The following DDX19A variants were observed in gnomAD, a reference collection of about 807,000 sequenced individuals.
DDX19A encodes the protein ATP-dependent RNA helicase DDX19A.
In DDX19A, 12 loss-of-function variants were observed where a neutral mutation model predicts 60.6. That is an observed-to-expected ratio of 0.20 (90% CI 0.13 to 0.32). The LOEUF (loss-of-function observed/expected upper bound fraction) is 0.32. DDX19A is among the 10% of genes least tolerant of loss of function. The pLI, the probability that DDX19A is intolerant of heterozygous loss-of-function variation, is 1.00. For synonymous variants in DDX19A, 206 were observed against 218.2 expected, an observed-to-expected ratio of 0.94 and a Z score of 0.49; for missense variants, 337 against 600.6, an observed-to-expected ratio of 0.56 and a Z score of 4.59.
intron 2 of DDX19A, among the ~76,000 whole-genome samples, chr16:70,354,778 A>G (rs944248309): frequency 2.0e-5 from 3 of 152,118 alleles, no homozygotes; most frequent in South Asian, 2.1e-4. Context: ...CTCCATCTCT[A>G]CGAAAATATT....
intron 1 of DDX19A, among the ~76,000 whole-genome samples, chr16:70,349,512 TTGCAAATAGGCTTTCC>T (rs1410917274): frequency 1.3e-5 from 2 of 152,204 alleles, no homozygotes; most frequent in Admixed American, 6.5e-5. Context: ...AGGGCCAGCC[TTGCAAATAGGCTTTCC>T]TAAGGAGAGC....
At chr16:70,361,897 A>T (rs1343294030) in intron 5 of DDX19A, among the ~76,000 whole-genome samples, 4 of 151,976 alleles carry the variant, frequency 2.6e-5, no homozygotes, top group Non-Finnish European at 5.9e-5. Flanking sequence ...TTAGCTGGGC[A>T]CGGTGGCCCA....
In DDX19A at chr16:70,350,581, G is replaced by A; in HGVS notation, c.82G>A (p.Glu28Lys). The A allele has an allele frequency of 6.2e-7, 1 of 1,612,608 alleles. No individual in the cohort carries two copies. The highest frequency in any genetic ancestry group is 1.1e-5 in the South Asian group (1 of 90,772). Residue 28 changes from glutamate to lysine, a missense_variant, in exon 2 of 12, where the codon GAG becomes AAG. Coordinates refer to ENST00000302243, the MANE Select transcript of DDX19A (RefSeq NM_018332.5). ...GATGACCAATTTGCAGATCAAGGAAGAGAAAGTCAAAGCAGATACCAATGG... is the reference window on the plus strand; with the variant it reads ...GATGACCAATTTGCAGATCAAGGAAAAGAAAGTCAAAGCAGATACCAATGG... The part of the protein sequence containing the change: ...KSMTNLQIKE[E>K]KVKADTNGII...
chr16:70,355,523 G>A lies in DDX19A; in HGVS notation c.145G>A (p.Glu49Lys), dbSNP rs776175093. The A allele has an allele frequency of 6.2e-7, 1 of 1,613,956 alleles. No homozygotes were observed. The highest frequency in any genetic ancestry group is 8.5e-7 in the Non-Finnish European group (1 of 1,179,834). Reference protein sequence around the residue: ...KTSTTAEKTDEEEKEDRAAQS... With the variant: ...KTSTTAEKTDKEEKEDRAAQS... ...CAGTACCACTGCCGAGAAAACAGAT[G>A]AAGAGGAGAAAGGTAACTACTTTTG... The change falls in exon 3 of 12, where the codon GAA (glutamate) becomes AAA (lysine). Residue 49 changes from glutamate (E) to lysine (K), a missense_variant. Physicochemically the swap from Glu to Lys is moderately conservative, Grantham distance 56 (BLOSUM62 1). Around this residue, in one of 6 missense-constraint regions of DDX19A, gnomAD observed 127 missense variants for 160.3 expected, o/e 0.79. Transcript: ENST00000302243.
At chr16:70,364,499 A>G (rs757939106) in intron 5 of DDX19A, 44 bp from the exon 6 acceptor site, 1 of 1,426,838 alleles carries the variant, frequency 7.0e-7, no homozygotes, top group Non-Finnish European at 9.9e-7. Context: ...CATGTTACTG[A>G]GTTTCACCAA....
At chr16:70,352,197 C>T (rs1365484587) in intron 2 of DDX19A, among the ~76,000 whole-genome samples, 7 of 151,898 alleles carry the variant, frequency 4.6e-5, no homozygotes, top group Middle Eastern at 3.2e-3. Context: ...CAAAACGTGG[C>T]GTGATATATA....
At chr16:70,356,278 G>T (rs746295754) in intron 4 of DDX19A, 31 bp downstream of exon 4, 22 of 1,612,244 alleles carry the variant, frequency 1.4e-5, no homozygotes, top group Non-Finnish European at 1.9e-5. Flanking sequence ...ACAGCTCTTC[G>T]TTGCCAGTCT....
chr16:70,355,557 T>C (rs1409294341), intron 3 of DDX19A, 22 bp downstream of exon 3: 1 of 1,610,256 alleles, frequency 6.2e-7, no homozygotes, highest in Non-Finnish European at 8.5e-7. Context: ...TGGATGCCCT[T>C]GGCAAGAGAC....
intron 4 of DDX19A, among the ~76,000 whole-genome samples, chr16:70,358,845 C>A (rs916414603): frequency 1.3e-5 from 2 of 152,098 alleles, no homozygotes; most frequent in Admixed American, 6.6e-5. Flanking sequence ...AAGCGAAACT[C>A]CTTCTCAAAC....
rs749945805 is a variant in DDX19A at position 70,350,553 on chromosome 16, T to G, written c.58-4T>G. 1.9e-6 allele frequency: 3 copies of G among 1,610,412 alleles called. No individual in the cohort carries two copies. In the Admixed American group the frequency reaches 5.1e-5, roughly 27 times the overall value. ...TAACTCTGTTTTCTTTTATTTCTAT[T>G]CAGATGACCAATTTGCAGATCAAGG... On this transcript the variant is annotated splice_region_variant and splice_polypyrimidine_tract_variant and intron_variant, in intron 1 of 11. Coordinates refer to ENST00000302243, the MANE Select transcript of DDX19A (RefSeq NM_018332.5).
intron 2 of DDX19A, among the ~76,000 whole-genome samples, chr16:70,352,740 G>A (rs1331649728): frequency 6.6e-6 from 1 of 150,422 alleles, no homozygotes; most frequent in Non-Finnish European, 1.5e-5. Flanking sequence ...GGGTTCAAGC[G>A]ATTCTCCTGC....
At position 70,366,544 on chromosome 16, in the gene DDX19A, G is replaced by C. The variant is rs376358783; in HGVS notation, c.783-80G>C. 1.0e-5 allele frequency: 16 copies of C among 1,574,434 alleles called. No individual in the cohort carries two copies. The Middle Eastern group carries it at 1.2e-3, about 117-fold the overall frequency. On this transcript the variant is annotated intron_variant, in intron 8 of 11. Transcript: ENST00000302243. ...CCCCATCAGCCTTCCTGGGCATCTA[G>C]ACCCTCCCAGCTGGGGAGGCTGTGC...
In DDX19A at chr16:70,355,506, C is replaced by T. The variant is rs771388403; in HGVS notation, c.128C>T (p.Thr43Ile). The T allele has an allele frequency of 1.3e-5, 21 of 1,613,852 alleles. No individual in the cohort carries two copies. In the Admixed American group the frequency reaches 3.5e-4, roughly 27 times the overall value. Reference protein sequence around the residue: ...DTNGIIKTSTTAEKTDEEEKE... With the variant: ...DTNGIIKTSTIAEKTDEEEKE... ...GTAGGTATTATCAAAACCAGTACCACTGCCGAGAAAACAGATGAAGAGGAG... is the reference window on the plus strand; with the variant it reads ...GTAGGTATTATCAAAACCAGTACCATTGCCGAGAAAACAGATGAAGAGGAG... Residue 43 changes from threonine to isoleucine, a missense_variant, in exon 3 of 12, where the codon ACT (threonine) becomes ATT (isoleucine). Around this residue, in one of 6 missense-constraint regions of DDX19A, gnomAD observed 127 missense variants for 160.3 expected, o/e 0.79. Coordinates refer to ENST00000302243, the MANE Select transcript of DDX19A (RefSeq NM_018332.5).
chr16:70,370,868 C>T (rs1034724713), intron 10 of DDX19A: 10 of 190,768 alleles, frequency 5.2e-5, no homozygotes, highest in Middle Eastern at 2.4e-3. Flanking sequence ...TGGTGGCATG[C>T]GCCTGTAATC....
At position 70,359,758 on chromosome 16, in the gene DDX19A, G is replaced by GATCAA. The variant is rs1176688576; in HGVS notation, c.294-1660_294-1659insATCAA. The stretch of plus-strand genomic sequence containing the variant: ...CTGCAGCCCCAGCTACTCAAGGGTG[G>GATCAA]GAGGATCTCTTGAGGCCTGGGAGGT... On this transcript the variant is annotated intron_variant, in intron 4 of 11. Transcript: ENST00000302243. 7.2e-5 allele frequency among the ~76,000 whole-genome samples: 11 copies of GATCAA among 152,124 alleles called. No individual in the cohort carries two copies. The East Asian group carries it at 2.1e-3, about 29-fold the overall frequency.
intron 9 of DDX19A, among the ~76,000 whole-genome samples, chr16:70,367,912 A>G (rs1414068473): frequency 1.3e-5 from 2 of 151,246 alleles, no homozygotes; most frequent in Non-Finnish European, 2.9e-5. Flanking sequence ...TTAGTGGCTC[A>G]CGCCTGTAAT....
At chr16:70,370,696 C>CAAA in intron 10 of DDX19A, 1 of 210,774 alleles carries the variant, frequency 4.7e-6, no homozygotes, top group Non-Finnish European at 9.1e-6. Context: ...ACTCTGTCTC[C>CAAA]AAAAAAAAAA....
chr16:70,348,345 G>A lies in DDX19A; in HGVS notation c.57+1297G>A, dbSNP rs76588725. Among the ~76,000 whole-genome samples the A allele has an allele frequency of 1.3e-3, 203 of 152,256 alleles. 3 individuals carry two copies. The East Asian group carries it at 0.026, about 19-fold the overall frequency. Reference sequence around the variant, plus strand: ...CAGATTTGATAGAATGGTGAAGGCAGCCGGGCATGATGGCACCCACCTGTG... The same window carrying A: ...CAGATTTGATAGAATGGTGAAGGCAACCGGGCATGATGGCACCCACCTGTG... On this transcript the variant is annotated intron_variant, in intron 1 of 11. Transcript: ENST00000302243.
chr16:70,368,110 G>C (rs1254321448), intron 9 of DDX19A, among the ~76,000 whole-genome samples: 1 of 152,228 alleles, frequency 6.6e-6, no homozygotes, highest in Non-Finnish European at 1.5e-5. Flanking sequence ...CCAGGAGTTA[G>C]AGGCTGCAGT....
Sources: allele counts gnomAD v4.1 joint callset (sites outside exome capture counted in the v4.1 genomes callset), GRCh38; gene constraint gnomAD v4.1.1; regional missense constraint gnomAD v4.1.1; transcripts MANE v1.5; gene names NCBI Gene and HGNC (gene_info 2026-07-23, HGNC 2026-07-21).